Variants in PACRG observed in about 807,000 individuals in gnomAD.
The protein encoded by PACRG is parkin coregulated gene protein.
Under a neutral mutation model 29.7 loss-of-function variants are expected in PACRG, and 29 were observed. That is an observed-to-expected ratio of 0.98 (90% CI 0.73 to 1.33). The LOEUF is 1.33. Ranked by LOEUF, PACRG falls within the 40% of genes most tolerant of loss-of-function variation. PACRG has a pLI of 0.00. For missense variants in PACRG, 279 were observed against 316.2 expected, an observed-to-expected ratio of 0.88 and a Z score of 0.89; for synonymous variants, 116 against 118.7, an observed-to-expected ratio of 0.98 and a Z score of 0.15.
intron 1 of PACRG, among the ~76,000 whole-genome samples, chr6:162,811,628 C>T (rs1347236165): frequency 1.3e-5 from 2 of 152,028 alleles, no homozygotes; most frequent in Non-Finnish European, 2.9e-5. Context: ...GGGGAAAGGT[C>T]ATCAACTTGT....
chr6:163,211,417 G>T lies in PACRG; in HGVS notation c.614-103410G>T, dbSNP rs550606184. The stretch of plus-strand genomic sequence containing the variant: ...TAATTGTCTTAAAATTCCCCATGAT[G>T]AACAAATTTTTTAAATTTATCTTAT... On this transcript the variant is annotated intron_variant, in intron 4 of 4. Transcript: ENST00000366888. 3.9e-5 allele frequency among the ~76,000 whole-genome samples: 6 copies of T among 152,184 alleles called. No individual in the cohort carries two copies. In the South Asian group the frequency reaches 1.0e-3, roughly 26 times the overall value.
intron 4 of PACRG, among the ~76,000 whole-genome samples, chr6:163,189,150 G>A (rs1042429650): frequency 9.8e-5 from 15 of 152,300 alleles, no homozygotes; most frequent in African/African-American, 3.1e-4. Flanking sequence ...TATAAAGCCC[G>A]TTTGTATGAT....
At chr6:162,995,557 C>G (rs1803941657) in intron 2 of PACRG, among the ~76,000 whole-genome samples, 1 of 152,252 alleles carries the variant, frequency 6.6e-6, no homozygotes, top group African/African-American at 2.4e-5. Flanking sequence ...TCCCTGACCC[C>G]TTGCGCTTCC....
At chr6:162,813,134 T>C (rs1787025044) in intron 1 of PACRG, among the ~76,000 whole-genome samples, 1 of 151,936 alleles carries the variant, frequency 6.6e-6, no homozygotes, top group East Asian at 1.9e-4. Flanking sequence ...TGTATGTTAT[T>C]TAGATATGTT....
chr6:162,742,094 C>T (rs1403423621), intron 1 of PACRG, among the ~76,000 whole-genome samples: 1 of 152,184 alleles, frequency 6.6e-6, no homozygotes, highest in Non-Finnish European at 1.5e-5. Context: ...TACCCTTCTA[C>T]TCTTTGCTTC....
At chr6:163,282,785 C>T (rs1784263426) in intron 4 of PACRG, among the ~76,000 whole-genome samples, 1 of 151,926 alleles carries the variant, frequency 6.6e-6, no homozygotes, top group African/African-American at 2.4e-5. Context: ...TTACACCATC[C>T]AGTGTGTACT....
chr6:162,851,437 T>G (rs1208076795), intron 2 of PACRG, among the ~76,000 whole-genome samples: 1 of 152,228 alleles, frequency 6.6e-6, no homozygotes, highest in Admixed American at 6.5e-5. Flanking sequence ...CTCTTAGAGA[T>G]CTTTATTCTG....
intron 4 of PACRG, among the ~76,000 whole-genome samples, chr6:163,280,520 A>G (rs1456540500): frequency 6.6e-6 from 1 of 152,218 alleles, no homozygotes; most frequent in Non-Finnish European, 1.5e-5. Context: ...GATCCCATCT[A>G]TCCCATGTTG....
intron 2 of PACRG, among the ~76,000 whole-genome samples, chr6:162,947,367 C>CATATATATAATCAT (rs60158969): frequency 2.4e-5 from 1 of 41,874 alleles, no homozygotes; most frequent in Non-Finnish European, 5.0e-5. Flanking sequence ...ATAATGTAAT[C>CATATATATAATCAT]ATATATAATC....
intron 4 of PACRG, among the ~76,000 whole-genome samples, chr6:163,185,962 C>G (rs1343151818): frequency 6.6e-6 from 1 of 152,142 alleles, no homozygotes; most frequent in Non-Finnish European, 1.5e-5. Context: ...CCAGCACTCC[C>G]AGGCAGTGAG....
At chr6:162,879,331 C>T (rs1793636074) in intron 2 of PACRG, among the ~76,000 whole-genome samples, 3 of 152,316 alleles carry the variant, frequency 2.0e-5, no homozygotes, top group Non-Finnish European at 4.4e-5. Flanking sequence ...ATCCATGTAA[C>T]TCCCCTTCTT....
In PACRG at chr6:163,258,905, A is replaced by C. The variant is rs1323878938; in HGVS notation, c.614-55922A>C. 2.0e-5 allele frequency among the ~76,000 whole-genome samples: 3 copies of C among 152,226 alleles called. No homozygotes were observed. In the East Asian group the frequency reaches 5.8e-4, roughly 29 times the overall value. The stretch of plus-strand genomic sequence containing the variant: ...TTTCGGTATCAACATCATTATGATA[A>C]AAATGTGTTTATGAAATGCCTCTAA... On this transcript the variant is annotated intron_variant, in intron 4 of 4. Transcript: ENST00000366888.
In PACRG at chr6:163,214,022, C is replaced by T. The variant is rs532884017; in HGVS notation, c.614-100805C>T. ...TACTTTATTTTGATCTACTTTTGGA[C>T]TCGATTCTGTTCTTAACTATTTCTT... On this transcript the variant is annotated intron_variant, in intron 4 of 4. Coordinates refer to ENST00000366888, the MANE Select transcript of PACRG (RefSeq NM_001080379.2). 6.6e-5 allele frequency among the ~76,000 whole-genome samples: 10 copies of T among 152,240 alleles called. No homozygotes were observed. The South Asian group carries it at 2.1e-3, about 32-fold the overall frequency.
At chr6:162,803,343 G>A (rs1786040332) in intron 1 of PACRG, among the ~76,000 whole-genome samples, 1 of 152,146 alleles carries the variant, frequency 6.6e-6, no homozygotes, top group African/African-American at 2.4e-5. Flanking sequence ...TGAAGGGCCT[G>A]TGCAGGAACA....
chr6:162,742,251 C>T (rs1027747831), intron 1 of PACRG, among the ~76,000 whole-genome samples: 4 of 152,076 alleles, frequency 2.6e-5, no homozygotes, highest in African/African-American at 4.8e-5. Flanking sequence ...GAGTGGTTTC[C>T]CTCATACTAT....
intron 4 of PACRG, among the ~76,000 whole-genome samples, chr6:163,289,172 C>G (rs909345413): frequency 6.6e-6 from 1 of 152,156 alleles, no homozygotes; most frequent in Admixed American, 6.5e-5. Flanking sequence ...TGAGTTTGGC[C>G]GTGGACCGAC....
intron 1 of PACRG, among the ~76,000 whole-genome samples, chr6:162,763,363 G>T (rs183540043): frequency 6.6e-6 from 1 of 152,146 alleles, no homozygotes; most frequent in African/African-American, 2.4e-5. Flanking sequence ...CTGTCACAAC[G>T]CTGACAAGGC....
intron 2 of PACRG, among the ~76,000 whole-genome samples, chr6:163,053,578 AG>A (rs1235295866): frequency 6.6e-6 from 1 of 152,220 alleles, no homozygotes; most frequent in African/African-American, 2.4e-5. Flanking sequence ...TAGTGAAATG[AG>A]GGAAAACACA....
At chr6:163,020,038 C>T (rs1806465871) in intron 2 of PACRG, among the ~76,000 whole-genome samples, 1 of 152,124 alleles carries the variant, frequency 6.6e-6, no homozygotes, top group Admixed American at 6.5e-5. Flanking sequence ...AACAGGAATC[C>T]TTAGAAGATC....
Sources: gnomAD v4.1 joint callset for allele counts (sites outside exome capture counted in the v4.1 genomes callset) on GRCh38, gnomAD v4.1.1 for gene constraint, MANE v1.5 for transcripts, NCBI Gene and HGNC (gene_info 2026-07-23, HGNC 2026-07-21) for gene names.